The following PRKG1 variants were observed in gnomAD, a reference collection of about 807,000 sequenced individuals.
PRKG1 encodes protein kinase cGMP-dependent 1.
In PRKG1, 35 loss-of-function variants were observed where a neutral mutation model predicts 88.1. The observed-to-expected ratio is 0.40, with a 90% CI of 0.30 to 0.53. PRKG1 has a LOEUF of 0.53. PRKG1 is among the 20% of genes least tolerant of loss of function. The pLI is 0.59. For missense variants in PRKG1, 540 were observed against 839.8 expected, an observed-to-expected ratio of 0.64 and a Z score of 4.41; for synonymous variants, 303 against 292.5, an observed-to-expected ratio of 1.04 and a Z score of -0.37.
At chr10:52,145,557 C>G (rs570214726) in intron 8 of PRKG1, among the ~76,000 whole-genome samples, 58 of 152,166 alleles carry the variant, frequency 3.8e-4, no homozygotes, top group African/African-American at 1.3e-3. Context: ...CAGAGGTAAA[C>G]CAGGGAGGTG....
At chr10:51,797,582 A>G (rs887236849) in intron 3 of PRKG1, among the ~76,000 whole-genome samples, 1 of 147,172 alleles carries the variant, frequency 6.8e-6, no homozygotes, top group East Asian at 1.9e-4. Context: ...TTTATGTTAT[A>G]TATAAATATC....
At position 51,949,164 on chromosome 10, in the gene PRKG1, C is replaced by A. The variant is rs115063563; in HGVS notation, c.762+41594C>A. 4.1e-3 allele frequency among the ~76,000 whole-genome samples: 619 copies of A among 152,208 alleles called. 6 individuals carry two copies. Among genetic ancestry groups the A allele is most frequent in the African/African-American group, 0.014 (592 of 41,528 alleles). On this transcript the variant is annotated intron_variant, in intron 5 of 17. Transcript: ENST00000373980. ...TTTAATGAAGGTGTCCATATAAACA[C>A]TTAAGAAATATTTAACATGTAAAAC...
chr10:51,186,562 C>T (rs1251581031), intron 2 of PRKG1, among the ~76,000 whole-genome samples: 2 of 151,906 alleles, frequency 1.3e-5, no homozygotes, highest in South Asian at 2.1e-4. Flanking sequence ...AGCCAGGAAT[C>T]GGGGTGGGGA....
Position 51,597,917 on chromosome 10 carries a change from A to G in PRKG1, c.592+130081A>G, listed in dbSNP as rs538511473. On this transcript the variant is annotated intron_variant, in intron 3 of 17. Coordinates refer to ENST00000373980, the MANE Select transcript of PRKG1 (RefSeq NM_006258.4). ...CAAAAATTGCTATGTACAATTATTT[A>G]AATATAAGTTAGAGAAACAGTAAGA... Among the ~76,000 whole-genome samples, 289 of 152,340 alleles carry G rather than the reference A, an allele frequency of 1.9e-3. 2 individuals carry two copies. Among genetic ancestry groups the G allele is most frequent in the African/African-American group, 6.8e-3 (281 of 41,572 alleles).
chr10:51,971,505 T>C (rs967335994), intron 5 of PRKG1, among the ~76,000 whole-genome samples: 2 of 152,082 alleles, frequency 1.3e-5, no homozygotes, highest in African/African-American at 4.8e-5. Context: ...ATTCAGGCAG[T>C]TTCTCTTTTT....
chr10:51,981,388 C>T (rs1466199511), intron 5 of PRKG1, among the ~76,000 whole-genome samples: 2 of 152,094 alleles, frequency 1.3e-5, no homozygotes, highest in Non-Finnish European at 2.9e-5. Context: ...GAGTTCAAGA[C>T]CAGCTGGCCA....
intron 5 of PRKG1, among the ~76,000 whole-genome samples, chr10:51,981,237 T>C (rs1844001354): frequency 6.6e-6 from 1 of 152,216 alleles, no homozygotes; most frequent in Admixed American, 6.5e-5. Flanking sequence ...CTCTTTCACA[T>C]ATTAAGCTTA....
At chr10:52,038,813 G>A (rs1564442392) in intron 5 of PRKG1, among the ~76,000 whole-genome samples, 1 of 152,122 alleles carries the variant, frequency 6.6e-6, no homozygotes, top group African/African-American at 2.4e-5. Context: ...CCGGAGTTTT[G>A]GGTCCACGGA....
intron 7 of PRKG1, among the ~76,000 whole-genome samples, chr10:52,090,046 C>G (rs111539393): frequency 0.015 from 2,280 of 152,082 alleles, 60 homozygotes; most frequent in African/African-American, 0.052. Context: ...ATCTCTTGAC[C>G]TCGTGATCCA....
intron 5 of PRKG1, among the ~76,000 whole-genome samples, chr10:51,960,366 G>GA (rs1843417486): frequency 6.6e-6 from 1 of 151,540 alleles, no homozygotes; most frequent in Non-Finnish European, 1.5e-5. Context: ...ATGAAGGAGG[G>GA]AAAAAACAGG....
At chr10:51,870,368 A>G (rs1841124994) in intron 4 of PRKG1, among the ~76,000 whole-genome samples, 1 of 151,978 alleles carries the variant, frequency 6.6e-6, no homozygotes, top group Non-Finnish European at 1.5e-5. Flanking sequence ...TAGTAATGTG[A>G]TAAATATCCT....
intron 5 of PRKG1, among the ~76,000 whole-genome samples, chr10:52,017,823 C>T (rs149550123): frequency 1.3e-5 from 2 of 152,086 alleles, no homozygotes; most frequent in Admixed American, 6.6e-5. Flanking sequence ...CTTTACAAGA[C>T]CCCTGTTGTA....
intron 3 of PRKG1, among the ~76,000 whole-genome samples, chr10:51,669,960 G>A (rs1840517008): frequency 1.3e-5 from 2 of 151,898 alleles, no homozygotes; most frequent in Admixed American, 1.3e-4. Context: ...TTCAGAGGGG[G>A]GAAATAATAA....
At chr10:51,490,520 T>A (rs1214478378) in intron 3 of PRKG1, among the ~76,000 whole-genome samples, 1 of 152,154 alleles carries the variant, frequency 6.6e-6, no homozygotes, top group Non-Finnish European at 1.5e-5. Flanking sequence ...TTACATGCAT[T>A]ATTACTTAAT....
chr10:51,851,404 C>T (rs1291515154), intron 4 of PRKG1, among the ~76,000 whole-genome samples: 30 of 151,990 alleles, frequency 2.0e-4, no homozygotes, highest in Admixed American at 2.0e-3. Context: ...AGTAAGCATC[C>T]TTAAATGCAC....
intron 8 of PRKG1, among the ~76,000 whole-genome samples, chr10:52,159,289 A>C (rs906964216): frequency 1.3e-5 from 2 of 151,568 alleles, no homozygotes; most frequent in African/African-American, 4.8e-5. Flanking sequence ...GTCATAAGAA[A>C]TATTAATAAA....
chr10:51,200,453 G>A (rs1837885346), intron 2 of PRKG1, among the ~76,000 whole-genome samples: 1 of 152,348 alleles, frequency 6.6e-6, no homozygotes, highest in South Asian at 2.1e-4. Context: ...CAGCTAAAAT[G>A]ATAGAGACAT....
chr10:51,304,874 G>A (rs1346979032), intron 2 of PRKG1, among the ~76,000 whole-genome samples: 2 of 151,982 alleles, frequency 1.3e-5, no homozygotes, highest in Non-Finnish European at 2.9e-5. Context: ...TCTTACAGAT[G>A]AAGAAATGGG....
At chr10:51,788,081 A>G (rs1838773415) in intron 3 of PRKG1, among the ~76,000 whole-genome samples, 2 of 152,196 alleles carry the variant, frequency 1.3e-5, no homozygotes, top group South Asian at 4.1e-4. Flanking sequence ...AGAATGCTCA[A>G]TGCATGAAAA....
Sources: allele counts gnomAD v4.1 joint callset (sites outside exome capture counted in the v4.1 genomes callset), GRCh38; gene constraint gnomAD v4.1.1; transcripts MANE v1.5; gene names NCBI Gene and HGNC (gene_info 2026-07-23, HGNC 2026-07-21).